Variants in TMC7 observed in about 807,000 individuals in gnomAD.
The protein encoded by TMC7 is transmembrane channel-like protein 7.
A neutral mutation model predicts 82.9 loss-of-function variants in TMC7; 54 were observed. The ratio of observed to expected loss-of-function variants is 0.65; its 90% CI spans 0.52 to 0.82. The LOEUF is 0.82. Ranked by LOEUF, TMC7 falls within the 40% of genes least tolerant of loss-of-function variation. TMC7 has a pLI of 0.00. For synonymous variants in TMC7, 350 were observed against 337.9 expected, an observed-to-expected ratio of 1.04 and a Z score of -0.39; for missense variants, 820 against 901.2, an observed-to-expected ratio of 0.91 and a Z score of 1.15.
At chr16:18,989,481 G>C (rs1453037350) in intron 1 of TMC7, among the ~76,000 whole-genome samples, 1 of 149,958 alleles carries the variant, frequency 6.7e-6, no homozygotes, top group Non-Finnish European at 1.5e-5. Context: ...TCTGACCTTT[G>C]TAACAATCTG....
In TMC7 at chr16:19,044,864, C is replaced by T. The variant is rs148965452; in HGVS notation, c.1338-20C>T. 8,112 of 1,595,770 alleles carry T rather than the reference C, an allele frequency of 5.1e-3. 30 individuals carry two copies. The highest frequency in any genetic ancestry group is 6.5e-3 in the Non-Finnish European group (7,624 of 1,166,206). On this transcript the variant is annotated intron_variant, in intron 9 of 15. Coordinates refer to ENST00000304381, the MANE Select transcript of TMC7 (RefSeq NM_024847.4). ...CCTGAGGGCCTCATCTTCCCATCCT[C>T]TCTCCTTCTCTCCCCGAAGGTGTGT...
At chr16:19,054,905 G>T (rs1024541008) in intron 13 of TMC7, among the ~76,000 whole-genome samples, 1 of 151,612 alleles carries the variant, frequency 6.6e-6, no homozygotes, top group Non-Finnish European at 1.5e-5. Context: ...CTGCCACTAC[G>T]CCTGGCTAAT....
chr16:19,004,026 A>G (rs2039188795), intron 1 of TMC7, among the ~76,000 whole-genome samples: 1 of 34,312 alleles, frequency 2.9e-5, no homozygotes, highest in African/African-American at 7.1e-5. Flanking sequence ...AAGAATTATC[A>G]ATAAAAAAAT....
chr16:19,020,971 A>G (rs1163021818), intron 3 of TMC7, among the ~76,000 whole-genome samples: 1 of 152,118 alleles, frequency 6.6e-6, no homozygotes, highest in African/African-American at 2.4e-5. Flanking sequence ...TTATTGAGAA[A>G]AACTAAGGAA....
At position 19,047,089 on chromosome 16, in the gene TMC7, G is replaced by T. The variant is rs765581556; in HGVS notation, c.1580G>T (p.Cys527Phe). Residue 527 changes from cysteine (C) to phenylalanine (F), a missense_variant, in exon 12 of 16, where the codon TGC becomes TTC. Around this residue, in one of 2 missense-constraint regions of TMC7, gnomAD observed 650 missense variants for 669.9 expected, o/e 0.97. Coordinates refer to ENST00000304381, the MANE Select transcript of TMC7 (RefSeq NM_024847.4). ...CTCCTGGTGACCTACTGTTCCTCTT[G>T]CAAGCTGATTCAGTGCTGGGGGCAG... ...RKLLVTYCSS[C>F]KLIQCWGQQE... is the part of the protein sequence containing the mutation. The T allele has an allele frequency of 7.4e-6, 12 of 1,612,046 alleles. No individual in the cohort carries two copies. Among genetic ancestry groups the T allele is most frequent in the Non-Finnish European group, 8.5e-6 (10 of 1,179,302 alleles).
chr16:19,043,165 C>T (rs952362287), intron 9 of TMC7, among the ~76,000 whole-genome samples: 3 of 151,804 alleles, frequency 2.0e-5, no homozygotes, highest in Admixed American at 6.6e-5. Context: ...TTTGTCTGCA[C>T]AGTTCCTTAT....
At chr16:19,013,119 A>T (rs1265042398) in intron 2 of TMC7, among the ~76,000 whole-genome samples, 1 of 150,262 alleles carries the variant, frequency 6.7e-6, no homozygotes, top group Non-Finnish European at 1.5e-5. Context: ...CCGGGCCAGG[A>T]AGGACAATTC....
rs1289197904 is a variant in TMC7, at chr16:18,996,790, A to T, written c.68-12382A>T. Among the ~76,000 whole-genome samples, 3 of 152,160 alleles carry T rather than the reference A, an allele frequency of 2.0e-5. No individual in the cohort carries two copies. The East Asian group carries it at 5.8e-4, about 29-fold the overall frequency. Reference sequence around the variant, plus strand: ...CCGCAATTGACTTGCCACCAAGGGAATGTGGGTGAATGACCAAGGCAGGCA... The same window carrying T: ...CCGCAATTGACTTGCCACCAAGGGATTGTGGGTGAATGACCAAGGCAGGCA... On this transcript the variant is annotated intron_variant, in intron 1 of 15. Transcript: ENST00000304381.
At chr16:19,031,301 C>T (rs562492628) in intron 6 of TMC7, among the ~76,000 whole-genome samples, 19 of 152,222 alleles carry the variant, frequency 1.2e-4, no homozygotes, top group Admixed American at 3.9e-4. Flanking sequence ...AGTGTGTCTG[C>T]GATGAGCCCC....
chr16:19,045,553 G>T, intron 11 of TMC7, 115 bp downstream of exon 11: 2 of 728,726 alleles, frequency 2.7e-6, no homozygotes, highest in South Asian at 3.1e-5. Flanking sequence ...GCTGCTGGAT[G>T]ACTCTACAGC....
intron 5 of TMC7, among the ~76,000 whole-genome samples, chr16:19,026,828 C>CT (rs1311428033): frequency 1.3e-5 from 2 of 152,014 alleles, no homozygotes; most frequent in African/African-American, 2.4e-5. Flanking sequence ...TTGGCATGAT[C>CT]TCGGCCCACT....
intron 3 of TMC7, among the ~76,000 whole-genome samples, chr16:19,021,040 T>C (rs982434326): frequency 6.6e-6 from 1 of 152,118 alleles, no homozygotes; most frequent in Non-Finnish European, 1.5e-5. Flanking sequence ...ATGTCACTTC[T>C]CCTCAAATTG....
intron 6 of TMC7, among the ~76,000 whole-genome samples, chr16:19,030,866 C>T (rs1960485379): frequency 6.6e-6 from 1 of 152,104 alleles, no homozygotes; most frequent in Non-Finnish European, 1.5e-5. Flanking sequence ...AGCCACCGCA[C>T]CTAGCCTGGG....
At position 19,036,902 on chromosome 16, in the gene TMC7, C is replaced by T. The variant is rs188824346; in HGVS notation, c.1006-972C>T. On this transcript the variant is annotated intron_variant, in intron 7 of 15. Coordinates refer to ENST00000304381, the MANE Select transcript of TMC7 (RefSeq NM_024847.4). ...ACTAAATACGAACTGATTAAATTAT[C>T]CTAATAAAAGCAGAGACTACTACAT... 9.5e-3 allele frequency among the ~76,000 whole-genome samples: 1,444 copies of T among 152,196 alleles called. 33 individuals are homozygous for T. Among genetic ancestry groups the T allele is most frequent in the African/African-American group, 0.033 (1,359 of 41,532 alleles).
At position 18,984,004 on chromosome 16, in the gene TMC7, C is replaced by T; in HGVS notation, c.-60C>T. On this transcript the variant is annotated 5_prime_UTR_variant, in exon 1 of 16. Coordinates refer to ENST00000304381, the MANE Select transcript of TMC7 (RefSeq NM_024847.4). ...CCGCGAGGGAAGGCCGGGGAGGCGG[C>T]GGCGGCGGCGGCGGCTGGAGAGGGT... The T allele has an allele frequency of 5.9e-6, 8 of 1,353,644 alleles. No individual in the cohort carries two copies. The highest frequency in any genetic ancestry group is 5.2e-5 in the South Asian group (3 of 57,310). The allele number at this position is 1,353,644 out of a possible 1,614,324, so 83.9% of individuals were successfully genotyped here.
chr16:19,009,022 G>T, intron 1 of TMC7, 150 bp from the exon 2 acceptor site: 4 of 882,938 alleles, frequency 4.5e-6, no homozygotes, highest in Non-Finnish European at 1.8e-6. Flanking sequence ...GAGCACCACT[G>T]TGGTAAATAA....
At chr16:19,048,068 G>A (rs181011455) in intron 12 of TMC7, among the ~76,000 whole-genome samples, 41 of 151,722 alleles carry the variant, frequency 2.7e-4, no homozygotes, top group Middle Eastern at 3.4e-3. Context: ...ATTAAGGCTG[G>A]ATGTATTTTG....
chr16:18,997,832 C>T (rs1338498210), intron 1 of TMC7, among the ~76,000 whole-genome samples: 1 of 151,674 alleles, frequency 6.6e-6, no homozygotes, highest in African/African-American at 2.4e-5. Flanking sequence ...CGGGTTCACA[C>T]CATTCTCCTG....
Position 19,035,798 on chromosome 16 carries a change from A to C in TMC7, c.980A>C (p.His327Pro). The change falls in exon 7 of 16, where the codon CAC becomes CCC. Residue 327 changes from histidine to proline, a missense_variant. This residue lies in a region of TMC7 where 650 missense variants were observed against 669.9 expected (regional missense o/e 0.97). Coordinates refer to ENST00000304381, the MANE Select transcript of TMC7 (RefSeq NM_024847.4). ...ITNRSMADLK[H>P]SSLRYELRAD... is the part of the protein sequence containing the mutation. ...AACCGCAGCATGGCGGATCTGAAGCACAGCAGCTTGCGGTACGAGCTCCGA... is the reference window on the plus strand; with the variant it reads ...AACCGCAGCATGGCGGATCTGAAGCCCAGCAGCTTGCGGTACGAGCTCCGA... 6 of 1,603,340 alleles carry C rather than the reference A, an allele frequency of 3.7e-6. No homozygotes were observed. Among genetic ancestry groups the C allele is most frequent in the Non-Finnish European group, 5.1e-6 (6 of 1,174,488 alleles).
Sources: gnomAD v4.1 joint callset for allele counts (sites outside exome capture counted in the v4.1 genomes callset) on GRCh38, gnomAD v4.1.1 for gene constraint, gnomAD v4.1.1 regional missense constraint, MANE v1.5 for transcripts, NCBI Gene and HGNC (gene_info 2026-07-23, HGNC 2026-07-21) for gene names.